The following GRM1 variants were observed in gnomAD, a reference collection of about 807,000 sequenced individuals.
GRM1 encodes the protein metabotropic glutamate receptor 1.
In GRM1, 33 loss-of-function variants were observed where a neutral mutation model predicts 90.9. The observed-to-expected ratio is 0.36, with a 90% CI of 0.28 to 0.49. GRM1 has a LOEUF of 0.49. Among genes scored for constraint, GRM1 ranks in the 20% least tolerant of loss-of-function variants. GRM1 has a pLI of 0.99. For missense variants in GRM1, 1,190 were observed against 1,534.3 expected (o/e 0.78, Z 3.75); for synonymous variants, 700 against 613.2 (o/e 1.14, Z -2.09).
intron 1 of GRM1, among the ~76,000 whole-genome samples, chr6:146,111,779 A>C (rs1354184264): frequency 6.6e-6 from 1 of 152,222 alleles, no homozygotes; most frequent in Non-Finnish European, 1.5e-5. Flanking sequence ...TTCTAGTTGC[A>C]ATAAGAAGTC....
chr6:146,127,630 A>G (rs935837550), intron 1 of GRM1, among the ~76,000 whole-genome samples: 1 of 152,178 alleles, frequency 6.6e-6, no homozygotes, highest in African/African-American at 2.4e-5. Flanking sequence ...ACAACTTTCC[A>G]TCTTCTAAAT....
chr6:146,330,187 C>T (rs569236357), intron 3 of GRM1, among the ~76,000 whole-genome samples: 9 of 152,214 alleles, frequency 5.9e-5, no homozygotes, highest in Non-Finnish European at 7.4e-5. Flanking sequence ...CCTTTAATTC[C>T]GCTGGCTGGG....
intron 1 of GRM1, among the ~76,000 whole-genome samples, chr6:146,122,394 C>A (rs1299628583): frequency 6.6e-6 from 1 of 152,082 alleles, no homozygotes; most frequent in Non-Finnish European, 1.5e-5. Flanking sequence ...GCCCCACCCC[C>A]ACTGCAACAT....
At chr6:146,129,421 CA>C (rs1776310289) in intron 1 of GRM1, among the ~76,000 whole-genome samples, 1 of 152,068 alleles carries the variant, frequency 6.6e-6, no homozygotes, top group Non-Finnish European at 1.5e-5. Context: ...GCAGGGAAAT[CA>C]ATTCCAATTA....
intron 1 of GRM1, among the ~76,000 whole-genome samples, chr6:146,054,497 T>G (rs1775410417): frequency 6.6e-6 from 1 of 152,116 alleles, no homozygotes; most frequent in Non-Finnish European, 1.5e-5. Flanking sequence ...TTTCTGTACC[T>G]TATATTTTAT....
chr6:146,223,599 C>T (rs1450224228), intron 2 of GRM1, among the ~76,000 whole-genome samples: 1 of 151,990 alleles, frequency 6.6e-6, no homozygotes, highest in East Asian at 1.9e-4. Flanking sequence ...TGAAAAATGC[C>T]AATTTTTTTT....
chr6:146,140,103 T>TTC (rs1040596200), intron 1 of GRM1, among the ~76,000 whole-genome samples: 1 of 113,892 alleles, frequency 8.8e-6, no homozygotes, highest in African/African-American at 3.5e-5. Context: ...CTTTCTTTCT[T>TTC]TCTTTCTTTC....
At chr6:146,349,239 T>A (rs570786713) in intron 3 of GRM1, among the ~76,000 whole-genome samples, 42 of 106,840 alleles carry the variant, frequency 3.9e-4, no homozygotes, top group Admixed American at 1.0e-3. Context: ...GCTATTTTTT[T>A]TTTTTTATTT....
At chr6:146,304,475 A>G (rs1783504369) in intron 2 of GRM1, 136 bp from the exon 3 acceptor site, 4 of 716,200 alleles carry the variant, frequency 5.6e-6, no homozygotes, top group Non-Finnish European at 1.0e-5. Context: ...TACCAAAAAA[A>G]AAGTTGATGG....
chr6:146,108,966 T>C (rs1042516992), intron 1 of GRM1, among the ~76,000 whole-genome samples: 2 of 152,168 alleles, frequency 1.3e-5, no homozygotes, highest in Non-Finnish European at 1.5e-5. Flanking sequence ...AGAAGAAATT[T>C]TTAAGCAGAA....
intron 2 of GRM1, among the ~76,000 whole-genome samples, chr6:146,258,302 A>G (rs1171622335): frequency 6.6e-6 from 1 of 152,152 alleles, no homozygotes; most frequent in Non-Finnish European, 1.5e-5. Flanking sequence ...TCATGTGCCT[A>G]TATGCACATG....
chr6:146,172,114 G>A (rs78474581), intron 2 of GRM1, among the ~76,000 whole-genome samples: 8,103 of 152,032 alleles, frequency 0.053, 710 homozygotes, highest in African/African-American at 0.18. Context: ...AGACAAAAAA[G>A]CTCTGGATGC....
intron 1 of GRM1, among the ~76,000 whole-genome samples, chr6:146,144,427 C>G (rs1777011957): frequency 6.6e-6 from 1 of 152,142 alleles, no homozygotes; most frequent in African/African-American, 2.4e-5. Flanking sequence ...CTTGAGCTAC[C>G]ACACTCAACC....
chr6:146,188,889 C>T (rs532905843), intron 2 of GRM1, among the ~76,000 whole-genome samples: 15 of 152,188 alleles, frequency 9.9e-5, no homozygotes, highest in Non-Finnish European at 2.1e-4. Context: ...CCCTGGCTTT[C>T]TGCCCTCACG....
At chr6:146,324,410 C>A (rs905988356) in intron 3 of GRM1, among the ~76,000 whole-genome samples, 1 of 151,956 alleles carries the variant, frequency 6.6e-6, no homozygotes, top group Non-Finnish European at 1.5e-5. Flanking sequence ...ACAGTTCTCT[C>A]TCACTGACAT....
chr6:146,223,846 G>A (rs1432626017), intron 2 of GRM1, among the ~76,000 whole-genome samples: 2 of 152,022 alleles, frequency 1.3e-5, no homozygotes, highest in Admixed American at 6.6e-5. Context: ...ATTATAACTC[G>A]TGTCCCATCA....
At chr6:146,110,853 T>C (rs532235679) in intron 1 of GRM1, among the ~76,000 whole-genome samples, 149 of 152,316 alleles carry the variant, frequency 9.8e-4, no homozygotes, top group Non-Finnish European at 1.7e-3. Flanking sequence ...TTAGGGGTCT[T>C]AGGAATTGCA....
chr6:146,383,547 G>A (rs1344691513), intron 5 of GRM1, among the ~76,000 whole-genome samples: 1 of 151,980 alleles, frequency 6.6e-6, no homozygotes, highest in Non-Finnish European at 1.5e-5. Flanking sequence ...AGATAGGTGT[G>A]AATTTTTTCA....
At chr6:146,052,766 C>A (rs558363377) in intron 1 of GRM1, among the ~76,000 whole-genome samples, 1 of 151,710 alleles carries the variant, frequency 6.6e-6, no homozygotes, top group Non-Finnish European at 1.5e-5. Flanking sequence ...AAAGTATAAC[C>A]CTTCCCCTTT....
Sources: allele counts gnomAD v4.1 joint callset (sites outside exome capture counted in the v4.1 genomes callset), GRCh38; gene constraint gnomAD v4.1.1; transcripts MANE v1.5; gene names NCBI Gene and HGNC (gene_info 2026-07-23, HGNC 2026-07-21).